ST14: variants seen among roughly 807,000 people sequenced by gnomAD.
ST14 encodes the protein ST14 transmembrane serine protease matriptase.
Under a neutral mutation model 96.5 loss-of-function variants are expected in ST14, and 40 were observed. The observed-to-expected ratio is 0.41, with a 90% CI of 0.32 to 0.54. The LOEUF is 0.54. ST14 is among the 20% of genes least tolerant of loss of function. The pLI is 0.17. For missense variants in ST14, 1,066 were observed against 1,188.9 expected (o/e 0.90, Z 1.52); for synonymous variants, 506 against 492.1 (o/e 1.03, Z -0.37).
chr11:130,196,263 T>C, intron 9 of ST14, 76 bp from the exon 10 acceptor site: 4 of 1,163,812 alleles, frequency 3.4e-6, no homozygotes. Flanking sequence ...TCCATGCCGC[T>C]GCCTCCCTTT....
At chr11:130,198,656 C>T (rs749077592) in intron 14 of ST14, 35 bp downstream of exon 14, 2 of 1,587,116 alleles carry the variant, frequency 1.3e-6, no homozygotes, top group South Asian at 1.1e-5. Flanking sequence ...CTGTTGGGGG[C>T]CTCGCCCCTG....
chr11:130,197,970 CTCCCCACCCTCCT>C (rs1953386149), intron 12 of ST14, 25 bp downstream of exon 12: 2 of 1,547,148 alleles, frequency 1.3e-6, no homozygotes, highest in South Asian at 1.2e-5. Context: ...GAGCCCCGGT[CTCCCCACCCTCCT>C]TCCCCACCCT....
At chr11:130,167,504 T>C (rs1317494926) in intron 1 of ST14, among the ~76,000 whole-genome samples, 2 of 152,176 alleles carry the variant, frequency 1.3e-5, no homozygotes, top group African/African-American at 2.4e-5. Context: ...CCAAATGGAA[T>C]CATCACTAAT....
At chr11:130,204,232 G>A (rs1011189944) in intron 16 of ST14, among the ~76,000 whole-genome samples, 1 of 152,194 alleles carries the variant, frequency 6.6e-6, no homozygotes, top group Non-Finnish European at 1.5e-5. Flanking sequence ...AGTTGATGGG[G>A]GTTGAGTACG....
intron 16 of ST14, 80 bp downstream of exon 16, chr11:130,200,217 G>A (rs546392808): frequency 7.1e-5 from 110 of 1,547,892 alleles, no homozygotes; most frequent in Admixed American, 4.1e-4. Flanking sequence ...GGTTGGCACC[G>A]AGGCAGGGCA....
At chr11:130,163,366 T>G (rs1390062938) in intron 1 of ST14, among the ~76,000 whole-genome samples, 2 of 152,214 alleles carry the variant, frequency 1.3e-5, no homozygotes, top group African/African-American at 4.8e-5. Flanking sequence ...GCATATCCCT[T>G]TCTCCTTCTC....
At position 130,160,143 on chromosome 11, in the gene ST14, C is replaced by T. The variant is rs3740883; in HGVS notation, c.81+83C>T. 41,811 of 993,234 alleles carry T rather than the reference C, an allele frequency of 0.042. 1,135 individuals are homozygous for T. Among genetic ancestry groups the T allele is most frequent in the East Asian group, 0.13 (3,933 of 29,294 alleles). The allele number at this position is 993,234 out of a possible 1,614,324, so 61.5% of individuals were successfully genotyped here. A position where few individuals can be genotyped will look rare whatever the true frequency, so the allele number is the denominator to read the frequency against. On this transcript the variant is annotated intron_variant, in intron 1 of 18. Coordinates refer to ENST00000278742, the MANE Select transcript of ST14 (RefSeq NM_021978.4). ...GCGCGGCGCTGGGCTCGGCCGGCTCCCCTGGCGTGTCCGTCGGTGGCCGAG... is the reference window on the plus strand; with the variant it reads ...GCGCGGCGCTGGGCTCGGCCGGCTCTCCTGGCGTGTCCGTCGGTGGCCGAG...
chr11:130,196,191 AAAC>A (rs766388790), intron 9 of ST14, 145 bp from the exon 10 acceptor site: 7,506 of 693,856 alleles, frequency 0.011, 123 homozygotes, highest in South Asian at 0.022. Flanking sequence ...ACAAACAAAC[AAAC>A]ACGCTGGGAG....
chr11:130,188,314 G>T lies in ST14; in HGVS notation c.241+41G>T. On this transcript the variant is annotated intron_variant, in intron 2 of 18. Coordinates refer to ENST00000278742, the MANE Select transcript of ST14 (RefSeq NM_021978.4). The surrounding 1 kb of genome is among the most constrained non-coding windows in gnomAD (Gnocchi z 5.4). ...GCTGGCTCCGGGGAGGACGACAAGG[G>T]GTGGCTGTCCCTCTTCCCTCAGCGG... The T allele has an allele frequency of 6.3e-7, 1 of 1,599,456 alleles. No individual in the cohort carries two copies. Among genetic ancestry groups the T allele is most frequent in the Non-Finnish European group, 8.5e-7 (1 of 1,171,832 alleles).
At chr11:130,189,442 C>G (rs1043182396) in intron 4 of ST14, 5 of 516,878 alleles carry the variant, frequency 9.7e-6, no homozygotes, top group Non-Finnish European at 1.7e-5. Context: ...GAAGGTGACA[C>G]TCGGTGTGTC....
rs751364965 is a variant in ST14 at position 130,200,067 on chromosome 11, G to A, written c.1924G>A (p.Gly642Ser). The A allele has an allele frequency of 5.6e-6, 9 of 1,614,086 alleles. No homozygotes were observed. Among genetic ancestry groups the A allele is most frequent in the South Asian group, 1.1e-5 (1 of 91,090 alleles). ...TGCTCTGGGCCAGGGCCACATCTGCGGTGCTTCCCTCATCTCTCCCAACTG... is the reference window on the plus strand; with the variant it reads ...TGCTCTGGGCCAGGGCCACATCTGCAGTGCTTCCCTCATCTCTCCCAACTG... ...LHALGQGHIC[G>S]ASLISPNWLV... is the part of the protein sequence containing the mutation. Residue 642 changes from glycine (G) to serine (S), a missense_variant, in exon 16 of 19, where the codon GGT becomes AGT. Transcript: ENST00000278742.
chr11:130,203,978 G>A (rs554701628), intron 16 of ST14, among the ~76,000 whole-genome samples: 28 of 152,096 alleles, frequency 1.8e-4, no homozygotes, highest in African/African-American at 6.5e-4. Context: ...TTAAACATGC[G>A]GCATTCTCCA....
intron 1 of ST14, among the ~76,000 whole-genome samples, chr11:130,169,092 GTTTTTTT>G (rs59747710): frequency 8.9e-6 from 1 of 112,322 alleles, no homozygotes; most frequent in African/African-American, 4.2e-5. Context: ...AATATAATGG[GTTTTTTT>G]TTTTTTTTTT....
At chr11:130,190,766 C>G (rs1189080841) in intron 7 of ST14, 72 bp downstream of exon 7, 1 of 1,485,364 alleles carries the variant, frequency 6.7e-7, no homozygotes, top group Non-Finnish European at 9.0e-7. Flanking sequence ...GCTTCTTCAA[C>G]GATTGGGATA....
chr11:130,208,461 C>T lies in ST14; in HGVS notation c.2046C>T (p.Ser682=), dbSNP rs1488518768. 6.2e-7 allele frequency: 1 copy of T among 1,614,202 alleles called. No homozygotes were observed. The highest frequency in any genetic ancestry group is 8.5e-7 in the Non-Finnish European group (1 of 1,180,040). ...WTAFLGLHDQ[S]QRSAPGVQER... ...CCTTCCTGGGCTTGCACGACCAGAG[C>T]CAGCGCAGCGCCCCTGGGGTGCAGG... The change falls in exon 17 of 19, where the codon AGC becomes AGT. Residue 682 remains serine, a synonymous_variant. Coordinates refer to ENST00000278742, the MANE Select transcript of ST14 (RefSeq NM_021978.4).
chr11:130,174,867 C>CT (rs893614064), intron 1 of ST14, among the ~76,000 whole-genome samples: 4 of 152,216 alleles, frequency 2.6e-5, no homozygotes, highest in Admixed American at 6.5e-5. Context: ...CCAGCCCAGA[C>CT]TTTTTTTGTC....
chr11:130,160,219 C>T (rs1379994878), intron 1 of ST14, among the ~76,000 whole-genome samples, 159 bp downstream of exon 1: 1 of 151,858 alleles, frequency 6.6e-6, no homozygotes, highest in African/African-American at 2.4e-5. Flanking sequence ...GGGCCGCGGG[C>T]GGGCGGGGCT....
At chr11:130,204,655 T>C (rs982662179) in intron 16 of ST14, among the ~76,000 whole-genome samples, 2 of 152,166 alleles carry the variant, frequency 1.3e-5, no homozygotes, top group African/African-American at 4.8e-5. Flanking sequence ...CTACTAAAAA[T>C]ACAAAAATTA....
At position 130,189,777 on chromosome 11, in the gene ST14, G is replaced by A; in HGVS notation, c.479G>A (p.Ser160Asn). 1.9e-6 allele frequency: 3 copies of A among 1,613,544 alleles called. No homozygotes were observed. Among genetic ancestry groups the A allele is most frequent in the Non-Finnish European group, 2.5e-6 (3 of 1,179,942 alleles). The change falls in exon 5 of 19, where the codon AGC becomes AAC. Residue 160 changes from serine (S) to asparagine (N), a missense_variant. By Grantham distance (46) the Ser-to-Asn change is conservative (BLOSUM62 1). Coordinates refer to ENST00000278742, the MANE Select transcript of ST14 (RefSeq NM_021978.4). ...SVIAYYWSEF[S>N]IPQHLVEEAE... Reference sequence around the variant, plus strand: ...ATCGCCTACTACTGGTCTGAGTTCAGCATCCCGCAGCACCTGGTGGAGGAG... The same window carrying A: ...ATCGCCTACTACTGGTCTGAGTTCAACATCCCGCAGCACCTGGTGGAGGAG...
Sources: allele counts gnomAD v4.1 joint callset (sites outside exome capture counted in the v4.1 genomes callset), GRCh38; gene constraint gnomAD v4.1.1; non-coding constraint Gnocchi (gnomAD v3.1); transcripts MANE v1.5; gene names NCBI Gene and HGNC (gene_info 2026-07-23, HGNC 2026-07-21).